ROBO1: variants seen among roughly 807,000 people sequenced by gnomAD.
ROBO1 encodes roundabout homolog 1.
A neutral mutation model predicts 195.9 loss-of-function variants in ROBO1; 149 were observed. That is an observed-to-expected ratio of 0.76 (90% CI 0.67 to 0.87). The LOEUF (loss-of-function observed/expected upper bound fraction) is 0.87. Ranked by LOEUF, ROBO1 falls within the 40% of genes least tolerant of loss-of-function variation. ROBO1 has a pLI of 0.00. For missense variants in ROBO1, 1,933 were observed against 2,068.3 expected, an observed-to-expected ratio of 0.93 and a Z score of 1.27; for synonymous variants, 816 against 733.2, an observed-to-expected ratio of 1.11 and a Z score of -1.82.
chr3:78,720,099 C>A (rs138207152), intron 5 of ROBO1, among the ~76,000 whole-genome samples: 1 of 152,102 alleles, frequency 6.6e-6, no homozygotes, highest in Non-Finnish European at 1.5e-5. Context: ...CTCTGGTATG[C>A]GCATTGTAAA....
intron 2 of ROBO1, among the ~76,000 whole-genome samples, chr3:79,392,408 A>C (rs2036986863): frequency 6.6e-6 from 1 of 152,182 alleles, no homozygotes. Context: ...GGTCAGATGG[A>C]GTCTATTTCT....
Position 79,542,640 on chromosome 3 carries a change from G to A in ROBO1, c.88+47184C>T, listed in dbSNP as rs552461738. On this transcript the variant is annotated intron_variant, in intron 2 of 30. Coordinates refer to ENST00000464233, the MANE Select transcript of ROBO1 (RefSeq NM_002941.4). ...AAAATACCTTCCTAGCAATTAAATG[G>A]AATGTCTCATTTAATCCTCAGGAAA... 2.5e-4 allele frequency among the ~76,000 whole-genome samples: 38 copies of A among 152,054 alleles called. No individual in the cohort carries two copies. In the South Asian group the frequency reaches 7.1e-3, roughly 28 times the overall value.
chr3:79,002,148 A>G (rs951746960), intron 3 of ROBO1, among the ~76,000 whole-genome samples: 3 of 152,106 alleles, frequency 2.0e-5, no homozygotes, highest in African/African-American at 7.2e-5. Context: ...TGATAAACTG[A>G]CCATGAGCAC....
intron 2 of ROBO1, among the ~76,000 whole-genome samples, chr3:79,459,181 G>A (rs1181634418): frequency 2.0e-5 from 3 of 151,994 alleles, no homozygotes; most frequent in Admixed American, 6.6e-5. Flanking sequence ...ATGTTCCTAT[G>A]TTCAATTTTC....
chr3:79,652,776 A>T (rs1381681866), intron 1 of ROBO1, among the ~76,000 whole-genome samples: 1 of 152,084 alleles, frequency 6.6e-6, no homozygotes, highest in Admixed American at 6.6e-5. Context: ...ATACAAAAAA[A>T]TTGTGAAAGA....
At chr3:78,676,701 G>C (rs1708454468) in intron 10 of ROBO1, among the ~76,000 whole-genome samples, 1 of 152,216 alleles carries the variant, frequency 6.6e-6, no homozygotes, top group Non-Finnish European at 1.5e-5. Flanking sequence ...ACGTCTGATT[G>C]GTGTACCTGA....
At chr3:78,954,236 T>C (rs999323455) in intron 3 of ROBO1, among the ~76,000 whole-genome samples, 6 of 152,036 alleles carry the variant, frequency 3.9e-5, no homozygotes, top group African/African-American at 7.2e-5. Context: ...AAGCCATCTA[T>C]AATAAAGCAT....
At position 78,639,623 on chromosome 3, in the gene ROBO1, C is replaced by A. The variant is rs1039450922; in HGVS notation, c.3037+121G>T. 8.8e-6 allele frequency: 8 copies of A among 913,486 alleles called. No homozygotes were observed. In the African/African-American group the frequency reaches 1.3e-4, roughly 15 times the overall value. 56.6% of individuals were successfully genotyped at this position (913,486 alleles called of 1,614,324 possible). A position where few individuals can be genotyped will look rare whatever the true frequency, so the allele number is the denominator to read the frequency against. On this transcript the variant is annotated intron_variant, in intron 22 of 30. Transcript: ENST00000464233. ...TCAGGCTATTTTGCTAAACAATAGT[C>A]AGCATTGGATAAAATACGGGTCAAA...
intron 2 of ROBO1, among the ~76,000 whole-genome samples, chr3:79,282,175 G>A (rs2031565464): frequency 6.6e-6 from 1 of 152,122 alleles, no homozygotes; most frequent in South Asian, 2.1e-4. Flanking sequence ...GACCAACATA[G>A]TTATTTAGAG....
At chr3:79,656,982 A>C (rs4856434) in intron 1 of ROBO1, among the ~76,000 whole-genome samples, 90,344 of 151,850 alleles carry the variant, frequency 0.59, 27,366 homozygotes, top group African/African-American at 0.7. Flanking sequence ...CATTATGTCC[A>C]TTACATGATC....
chr3:78,737,782 T>C (rs774117039), intron 5 of ROBO1, among the ~76,000 whole-genome samples: 1 of 152,196 alleles, frequency 6.6e-6, no homozygotes, highest in Admixed American at 6.5e-5. Context: ...TGACTTACCA[T>C]ATTTAAATCC....
At chr3:79,745,867 A>G (rs1216485695) in intron 1 of ROBO1, among the ~76,000 whole-genome samples, 1 of 151,968 alleles carries the variant, frequency 6.6e-6, no homozygotes, top group East Asian at 1.9e-4. Context: ...GTGGCTTTTT[A>G]CCCCTTAAAA....
intron 2 of ROBO1, among the ~76,000 whole-genome samples, chr3:79,168,964 G>A (rs1032077024): frequency 1.3e-5 from 2 of 152,102 alleles, no homozygotes; most frequent in African/African-American, 2.4e-5. Flanking sequence ...TGAATTATTT[G>A]AGCAAAATTC....
At chr3:78,651,640 G>T in intron 19 of ROBO1, 92 bp downstream of exon 19, 1 of 1,036,948 alleles carries the variant, frequency 9.6e-7, no homozygotes, top group South Asian at 2.0e-5. Context: ...AAGTTTTAGA[G>T]GATATGCATA....
At chr3:78,774,380 G>T (rs989395373) in intron 4 of ROBO1, among the ~76,000 whole-genome samples, 1 of 151,368 alleles carries the variant, frequency 6.6e-6, no homozygotes, top group Non-Finnish European at 1.5e-5. Flanking sequence ...GCCGGATCTC[G>T]GCTCACCGCA....
chr3:78,985,941 AAAG>A lies in ROBO1; in HGVS notation c.173-47017_173-47015del, dbSNP rs982265359. On this transcript the variant is annotated intron_variant, in intron 3 of 30. Coordinates refer to ENST00000464233, the MANE Select transcript of ROBO1 (RefSeq NM_002941.4). ...TGGATGATGAAAACCCCAACAATGA[AAAG>A]AAGGAGGGGCAGCAGAGCCCAAGAC... Among the ~76,000 whole-genome samples, 13 of 152,162 alleles carry A rather than the reference AAAG, an allele frequency of 8.5e-5. 1 individual carries two copies. The highest frequency in any genetic ancestry group is 6.2e-4 in the South Asian group (3 of 4,830).
At chr3:79,503,057 C>T (rs904456959) in intron 2 of ROBO1, among the ~76,000 whole-genome samples, 14 of 152,150 alleles carry the variant, frequency 9.2e-5, no homozygotes, top group African/African-American at 3.4e-4. Flanking sequence ...GGTCTCTTTC[C>T]ACACTGTGAA....
intron 2 of ROBO1, among the ~76,000 whole-genome samples, chr3:79,240,921 G>T (rs1384385589): frequency 6.6e-6 from 1 of 152,064 alleles, no homozygotes; most frequent in Non-Finnish European, 1.5e-5. Flanking sequence ...AGGATTATAG[G>T]CATGAACACC....
intron 2 of ROBO1, among the ~76,000 whole-genome samples, chr3:79,432,744 C>T (rs977221456): frequency 2.0e-5 from 3 of 152,072 alleles, no homozygotes; most frequent in African/African-American, 7.2e-5. Flanking sequence ...TTTCAGGCTG[C>T]TTACTGAATC....
Sources: gnomAD v4.1 joint callset for allele counts (sites outside exome capture counted in the v4.1 genomes callset) on GRCh38, gnomAD v4.1.1 for gene constraint, MANE v1.5 for transcripts, NCBI Gene and HGNC (gene_info 2026-07-23, HGNC 2026-07-21) for gene names.